The following PGAP4 variants were observed in gnomAD, a reference collection of about 807,000 sequenced individuals.
The protein encoded by PGAP4 is post-GPI attachment to proteins GalNAc transferase 4, also known as GPI-N-acetylgalactosamine transferase PGAP4.
In PGAP4, 12 loss-of-function variants were observed where a neutral mutation model predicts 28.2. The ratio of observed to expected loss-of-function variants is 0.42; its 90% CI spans 0.27 to 0.69. The LOEUF (loss-of-function observed/expected upper bound fraction) is 0.69. Among genes scored for constraint, PGAP4 ranks in the 30% least tolerant of loss-of-function variants. The probability of loss-of-function intolerance (pLI) is 0.22; values close to 1 mark genes in which losing one functional copy is unlikely to be tolerated. For synonymous variants in PGAP4, 205 were observed against 211.8 expected (o/e 0.97, Z 0.28); for missense variants, 425 against 513.5 (o/e 0.83, Z 1.67).
At chr9:101,504,983 G>A (rs989901) in intron 2 of PGAP4, among the ~76,000 whole-genome samples, 5,810 of 152,054 alleles carry the variant, frequency 0.038, 163 homozygotes, top group Admixed American at 0.077. Context: ...TAGGTCACCC[G>A]CCAACCTCAA....
rs530562303 is a variant in PGAP4, at chr9:101,473,571, G to T, written c.*2310C>A. On this transcript the variant is annotated 3_prime_UTR_variant, in exon 2 of 2. Transcript: ENST00000374848. ...GCAGAGTTCACTCCATGGGGAAAAG[G>T]CATGTTAGTGTGTAGGTAGAGAAAC... 10 of 152,392 alleles carry T rather than the reference G, an allele frequency of 6.6e-5. No homozygotes were observed. The East Asian group carries it at 7.7e-4, about 12-fold the overall frequency. The allele number at this position is 152,392 out of a possible 1,614,324, so 9.4% of individuals were successfully genotyped here.
chr9:101,499,124 C>T (rs1402257653), intron 2 of PGAP4, among the ~76,000 whole-genome samples: 1 of 151,770 alleles, frequency 6.6e-6, no homozygotes, highest in Non-Finnish European at 1.5e-5. Context: ...CCAGAAAAGA[C>T]TGGAAAAAAA....
chr9:101,485,461 A>T (rs1826590970), intron 1 of PGAP4, among the ~76,000 whole-genome samples: 1 of 152,218 alleles, frequency 6.6e-6, no homozygotes, highest in African/African-American at 2.4e-5. Flanking sequence ...GCTATAGTGC[A>T]ACACGTGACA....
intron 2 of PGAP4, among the ~76,000 whole-genome samples, chr9:101,497,138 TAACTC>T (rs1826758708): frequency 6.6e-6 from 1 of 151,090 alleles, no homozygotes; most frequent in Admixed American, 6.6e-5. Context: ...TATTTGGAAA[TAACTC>T]AGACATTTAA....
intron 2 of PGAP4, among the ~76,000 whole-genome samples, chr9:101,527,148 C>T (rs981734555): frequency 6.6e-6 from 1 of 152,120 alleles, no homozygotes. Context: ...ACAGGGTTGA[C>T]GAGGATGGCA....
intron 2 of PGAP4, among the ~76,000 whole-genome samples, chr9:101,496,180 A>G (rs1276544215): frequency 6.6e-6 from 1 of 151,554 alleles, no homozygotes. Context: ...TTATGACAAC[A>G]TCTCAGCATT....
At chr9:101,482,449 A>G (rs1489218016) in intron 1 of PGAP4, among the ~76,000 whole-genome samples, 1 of 152,218 alleles carries the variant, frequency 6.6e-6, no homozygotes, top group African/African-American at 2.4e-5. Context: ...GACGATGAAG[A>G]GACAACAGCT....
upstream of PGAP4, chr9:101,487,275 G>A (rs1258803071): frequency 6.6e-6 from 1 of 152,290 alleles, no homozygotes; most frequent in Non-Finnish European, 1.5e-5. Context: ...ACGCAAACAG[G>A]AAGCCTGTTT....
At chr9:101,481,744 T>C (rs966254427) in intron 1 of PGAP4, among the ~76,000 whole-genome samples, 7 of 152,138 alleles carry the variant, frequency 4.6e-5, no homozygotes, top group Non-Finnish European at 7.4e-5. Flanking sequence ...AGGGTGTGAG[T>C]CAGGGGATGA....
At chr9:101,479,170 T>C (rs1319308596) in intron 1 of PGAP4, among the ~76,000 whole-genome samples, 1 of 152,226 alleles carries the variant, frequency 6.6e-6, no homozygotes, top group Non-Finnish European at 1.5e-5. Context: ...CTTCTTCCTC[T>C]GCTCTGCTCA....
At chr9:101,482,577 C>T (rs1826518855) in intron 1 of PGAP4, among the ~76,000 whole-genome samples, 1 of 152,212 alleles carries the variant, frequency 6.6e-6, no homozygotes. Context: ...TTCTGTAAAA[C>T]TATTCAATGA....
At position 101,523,619 on chromosome 9, in the gene PGAP4, C is replaced by CTTTTTTTTTTTTTTTTTT. The variant is rs71356369; in HGVS notation, c.-165+7711_-165+7728dup. On this transcript the variant is annotated intron_variant, in intron 2 of 3. Coordinates refer to the PGAP4 transcript ENST00000374851. Reference sequence around the variant, plus strand: ...ACATTTCTCCCCTCACTTCTTGTATCTTTTTTTTTTTTTTTTTTTTTTTTT... The same window carrying CTTTTTTTTTTTTTTTTTT: ...ACATTTCTCCCCTCACTTCTTGTATCTTTTTTTTTTTTTTTTTTTTTTTTTTTTTTTTTTTTTTTTTTT... Among the ~76,000 whole-genome samples, 167 of 59,336 alleles carry CTTTTTTTTTTTTTTTTTT rather than the reference C, an allele frequency of 2.8e-3. 21 individuals are homozygous for CTTTTTTTTTTTTTTTTTT. Among genetic ancestry groups the CTTTTTTTTTTTTTTTTTT allele is most frequent in the African/African-American group, 3.6e-3 (51 of 14,116 alleles). 38.9% of individuals were successfully genotyped at this position (59,336 alleles called of 152,430 possible). A position where few individuals can be genotyped will look rare whatever the true frequency, so the allele number is the denominator to read the frequency against.
At chr9:101,501,816 C>T (rs1051591579) in intron 2 of PGAP4, 10 of 506,764 alleles carry the variant, frequency 2.0e-5, no homozygotes, top group African/African-American at 5.8e-5. Flanking sequence ...GCTCTAGTAC[C>T]TCCAGCTCCA....
At chr9:101,514,704 T>C (rs1268353262) in intron 2 of PGAP4, among the ~76,000 whole-genome samples, 1 of 151,864 alleles carries the variant, frequency 6.6e-6, no homozygotes, top group East Asian at 1.9e-4. Flanking sequence ...GGGGGCAGAG[T>C]GTAAGAAAAG....
chr9:101,496,388 C>A (rs990411852), intron 2 of PGAP4, among the ~76,000 whole-genome samples: 2 of 151,388 alleles, frequency 1.3e-5, no homozygotes, highest in African/African-American at 4.8e-5. Flanking sequence ...AGATGTAAAT[C>A]TGAGCAGTTT....
intron 2 of PGAP4, among the ~76,000 whole-genome samples, chr9:101,521,874 T>C (rs1339617207): frequency 1.3e-5 from 2 of 152,164 alleles, no homozygotes; most frequent in African/African-American, 4.8e-5. Flanking sequence ...CCCTTACCAT[T>C]GCCTTTGCTG....
chr9:101,501,486 TTC>T (rs1826798322), intron 2 of PGAP4, among the ~76,000 whole-genome samples: 1 of 152,018 alleles, frequency 6.6e-6, no homozygotes, highest in Non-Finnish European at 1.5e-5. Flanking sequence ...TTTTTCAAGT[TTC>T]AGTTATTTAT....
intron 2 of PGAP4, among the ~76,000 whole-genome samples, chr9:101,517,330 T>G (rs78155142): frequency 0.02 from 3,095 of 152,264 alleles, 100 homozygotes; most frequent in African/African-American, 0.07. Flanking sequence ...TGTTTCTTGT[T>G]GCTTGGAAAA....
At chr9:101,515,377 T>TA (rs1362980000) in intron 2 of PGAP4, among the ~76,000 whole-genome samples, 1 of 152,156 alleles carries the variant, frequency 6.6e-6, no homozygotes, top group Non-Finnish European at 1.5e-5. Context: ...TAATTCAGGA[T>TA]AATTCCCCTT....
Sources: gnomAD v4.1 joint callset for allele counts (sites outside exome capture counted in the v4.1 genomes callset) on GRCh38, gnomAD v4.1.1 for gene constraint, MANE v1.5 for transcripts, NCBI Gene and HGNC (gene_info 2026-07-23, HGNC 2026-07-21) for gene names.